ITGA5: variants seen among roughly 807,000 people sequenced by gnomAD.
ITGA5 encodes the protein integrin subunit alpha 5.
In ITGA5, 55 loss-of-function variants were observed where a neutral mutation model predicts 146.3. That is an observed-to-expected ratio of 0.38 (90% CI 0.30 to 0.47). The LOEUF (loss-of-function observed/expected upper bound fraction) is 0.47. ITGA5 is among the 20% of genes least tolerant of loss of function. ITGA5 has a pLI of 0.99. For synonymous variants in ITGA5, 500 were observed against 531.8 expected (o/e 0.94, Z 0.82); for missense variants, 1,131 against 1,329.0 (o/e 0.85, Z 2.32).
Position 54,401,229 on chromosome 12 carries a change from GGACTCTGCCTCAT to G in ITGA5, c.2493+131_2493+143del. 1.3e-6 allele frequency: 1 copy of G among 792,982 alleles called. No homozygotes were observed. The highest frequency in any genetic ancestry group is 2.2e-6 in the Non-Finnish European group (1 of 464,982). 49.1% of individuals were successfully genotyped at this position (792,982 alleles called of 1,614,324 possible). A position where few individuals can be genotyped will look rare whatever the true frequency, so the allele number is the denominator to read the frequency against. On this transcript the variant is annotated intron_variant, in intron 24 of 29. Transcript: ENST00000293379. This position sits in a 1 kb window ranked among gnomAD's most constrained non-coding sequence, Gnocchi z 5.0. ...GTCTCTCCTCTGGCTGTTTCTCACAGGACTCTGCCTCATGCCTTTGCATATCACTTACTCCTCC... is the reference window on the plus strand; with the variant it reads ...GTCTCTCCTCTGGCTGTTTCTCACAGGCCTTTGCATATCACTTACTCCTCC...
rs546562426 is a variant in ITGA5 at position 54,401,638 on chromosome 12, G to A, written c.2334C>T (p.Asp778=). The A allele has an allele frequency of 7.4e-6, 12 of 1,614,188 alleles. No individual in the cohort carries two copies. Among genetic ancestry groups the A allele is most frequent in the South Asian group, 2.2e-5 (2 of 91,084 alleles). The change falls in exon 23 of 30, where the codon GAC becomes GAT. Residue 778 remains aspartate (D), a synonymous_variant. Coordinates refer to ENST00000293379, the MANE Select transcript of ITGA5 (RefSeq NM_002205.5). This position sits in a 1 kb window ranked among gnomAD's most constrained non-coding sequence, Gnocchi z 5.0. Reference sequence around the variant, plus strand: ...CCACGGAGAGCCGAAAGGAAACCACGTCGCTTTGCGAGTTGTTGAGATTCT... The same window carrying A: ...CCACGGAGAGCCGAAAGGAAACCACATCGCTTTGCGAGTTGTTGAGATTCT... ...LSKNLNNSQS[D]VVSFRLSVEA... is the part of the protein sequence containing the mutation.
chr12:54,399,750 C>T lies in ITGA5; in HGVS notation c.2736G>A (p.Pro912=), dbSNP rs756706920. The T allele has an allele frequency of 9.1e-5, 147 of 1,613,982 alleles. No individual in the cohort carries two copies. Among genetic ancestry groups the T allele is most frequent in the Non-Finnish European group, 1.1e-4 (135 of 1,179,954 alleles). ...ASSGPQILKC[P]EAECFRLRCE... ...AGCGCAGCCTGAAACACTCAGCCTC[C>T]GGGCATTTCTAGGAAGAAAGAAGCT... is the stretch of plus-strand genomic sequence containing the variant. The change falls in exon 27 of 30, where the codon CCG becomes CCA. Residue 912 remains proline, a synonymous_variant. Coordinates refer to ENST00000293379, the MANE Select transcript of ITGA5 (RefSeq NM_002205.5).
chr12:54,403,993 G>A lies in ITGA5; in HGVS notation c.1566-27C>T, dbSNP rs1055755946. Reference sequence around the variant, plus strand: ...TGGAGAGAGACCAAGAAGAAAGCTGGTGAATCCAACTGGAACAGACATCCT... The same window carrying A: ...TGGAGAGAGACCAAGAAGAAAGCTGATGAATCCAACTGGAACAGACATCCT... On this transcript the variant is annotated intron_variant, in intron 15 of 29. Coordinates refer to ENST00000293379, the MANE Select transcript of ITGA5 (RefSeq NM_002205.5). This position sits in a 1 kb window ranked among gnomAD's most constrained non-coding sequence, Gnocchi z 4.9. 6.2e-7 allele frequency: 1 copy of A among 1,612,958 alleles called. No homozygotes were observed. Among genetic ancestry groups the A allele is most frequent in the African/African-American group, 1.3e-5 (1 of 74,910 alleles).
Position 54,396,338 on chromosome 12 carries a change from G to A in ITGA5, c.3105C>T (p.Ala1035=). ...GAGGCTTGAGCTGAGCTTTTTCCAT[G>A]GCGGTGCCATATGGGAGGGAGCGTT... ...FFKRSLPYGT[A]MEKAQLKPPA... is the part of the protein sequence containing the mutation. The change falls in exon 30 of 30, where the codon GCC becomes GCT. Residue 1035 remains alanine, a synonymous_variant. Transcript: ENST00000293379. 1 of 1,614,144 alleles carries A rather than the reference G, an allele frequency of 6.2e-7. No individual in the cohort carries two copies. Among genetic ancestry groups the A allele is most frequent in the African/African-American group, 1.3e-5 (1 of 75,058 alleles).
At chr12:54,408,847 C>A (rs563955322) in intron 5 of ITGA5, 46 bp from the exon 6 acceptor site, 1 of 1,613,452 alleles carries the variant, frequency 6.2e-7, no homozygotes, top group African/African-American at 1.3e-5. Context: ...CCAATCCCCC[C>A]ATGTCCACCA....
chr12:54,396,210 G>T lies in ITGA5; in HGVS notation c.*83C>A. The T allele has an allele frequency of 8.7e-7, 1 of 1,146,730 alleles. No homozygotes were observed. The highest frequency in any genetic ancestry group is 1.3e-5 in the South Asian group (1 of 78,628). 71.0% of individuals were successfully genotyped at this position (1,146,730 alleles called of 1,614,324 possible). On this transcript the variant is annotated 3_prime_UTR_variant, in exon 30 of 30. Coordinates refer to ENST00000293379, the MANE Select transcript of ITGA5 (RefSeq NM_002205.5). ...TCTCCCTGGCCGTCAGCACCTTCAA[G>T]AAGTACCCAGACCCCTCCTTTTCAG...
intron 1 of ITGA5, among the ~76,000 whole-genome samples, chr12:54,417,092 T>C (rs183808575): frequency 1.3e-4 from 20 of 151,820 alleles, no homozygotes; most frequent in Non-Finnish European, 1.5e-4. Flanking sequence ...GCTGGACACC[T>C]GGGTTCTCTT....
chr12:54,407,491 G>A, intron 9 of ITGA5, 158 bp downstream of exon 9: 2 of 684,730 alleles, frequency 2.9e-6, no homozygotes, highest in Non-Finnish European at 5.4e-6. Context: ...ATAAAGAGCA[G>A]AATGATTCTG....
Position 54,400,911 on chromosome 12 carries a change from A to G in ITGA5, c.2578T>C (p.Tyr860His), listed in dbSNP as rs755295163. The G allele has an allele frequency of 6.2e-7, 1 of 1,614,046 alleles. No homozygotes were observed. The change falls in exon 25 of 30, where the codon TAT becomes CAT. Residue 860 changes from tyrosine (Y) to histidine (H), a missense_variant. By Grantham distance (83) the Tyr-to-His change is moderately conservative. Coordinates refer to ENST00000293379, the MANE Select transcript of ITGA5 (RefSeq NM_002205.5). Reference sequence around the variant, plus strand: ...TTGAGTCCCGTAACTCTGGTCACATATAGGAGCTGCTGACCTTCCAGAGCC... The same window carrying G: ...TTGAGTCCCGTAACTCTGGTCACATGTAGGAGCTGCTGACCTTCCAGAGCC... ...PQALEGQQLL[Y>H]VTRVTGLNCT...
chr12:54,407,924 C>T (rs768992920), intron 7 of ITGA5, 48 bp from the exon 8 acceptor site: 1 of 1,551,272 alleles, frequency 6.4e-7, no homozygotes, highest in Admixed American at 1.8e-5. Flanking sequence ...TTGAGGACCC[C>T]TCTGCTCTGG....
Position 54,405,720 on chromosome 12 carries a change from G to A in ITGA5, c.964-4C>T, listed in dbSNP as rs779168204. The A allele has an allele frequency of 1.2e-6, 2 of 1,614,016 alleles. No homozygotes were observed. The highest frequency in any genetic ancestry group is 2.2e-5 in the South Asian group (2 of 91,072). ...CATAGCCAAAGTAGGAGGCCATCTG[G>A]GGAGGACAAAGGGGCAGCGCTGGGT... On this transcript the variant is annotated splice_polypyrimidine_tract_variant and splice_region_variant and intron_variant, in intron 10 of 29. Transcript: ENST00000293379.
intron 8 of ITGA5, 48 bp from the exon 9 acceptor site, chr12:54,407,740 C>G (rs759826059): frequency 6.2e-7 from 1 of 1,605,820 alleles, no homozygotes; most frequent in Admixed American, 1.7e-5. Flanking sequence ...GAAAGGGAAG[C>G]AGATAATGGT....
At chr12:54,408,640 C>T (rs1172282966) in intron 6 of ITGA5, 116 bp downstream of exon 6, 16 of 917,712 alleles carry the variant, frequency 1.7e-5, no homozygotes, top group African/African-American at 7.0e-5. Flanking sequence ...GCAGGAGAAT[C>T]GCTTGAACCT....
rs1565638010 is a variant in ITGA5, at chr12:54,399,681, C to T, written c.2805G>A (p.Gln935=). 6.2e-7 allele frequency: 1 copy of T among 1,614,204 alleles called. No individual in the cohort carries two copies. Among genetic ancestry groups the T allele is most frequent in the Non-Finnish European group, 8.5e-7 (1 of 1,180,008 alleles). Residue 935 remains glutamine, a synonymous_variant, in exon 27 of 30, where the codon CAG becomes CAA. Transcript: ENST00000293379. ...TCTTGGCCCAGACTCGGAAATGCAACTGCAGACTTTGGCTCTCTTGTTGGT... is the reference window on the plus strand; with the variant it reads ...TCTTGGCCCAGACTCGGAAATGCAATTGCAGACTTTGGCTCTCTTGTTGGT... ...PLHQQESQSL[Q]LHFRVWAKTF...
chr12:54,418,926 C>G (rs1216069647), intron 1 of ITGA5, 55 bp downstream of exon 1: 3 of 1,594,466 alleles, frequency 1.9e-6, no homozygotes, highest in Non-Finnish European at 2.6e-6. Flanking sequence ...AGCCGCGCCC[C>G]CAGTCTCCAG....
At position 54,400,897 on chromosome 12, in the gene ITGA5, A is replaced by C. The variant is rs769350298; in HGVS notation, c.2592T>G (p.Val864=). 1.9e-6 allele frequency: 3 copies of C among 1,614,116 alleles called. No individual in the cohort carries two copies. Among genetic ancestry groups the C allele is most frequent in the African/African-American group, 1.3e-5 (1 of 75,012 alleles). Residue 864 remains valine, a synonymous_variant, in exon 25 of 30, where the codon GTT becomes GTG. Transcript: ENST00000293379. The part of the protein sequence containing the change: ...EGQQLLYVTR[V]TGLNCTTNHP... ...GATTGGTGGTGCAGTTGAGTCCCGT[A>C]ACTCTGGTCACATATAGGAGCTGCT... is the stretch of plus-strand genomic sequence containing the variant.
Position 54,401,996 on chromosome 12 carries a change from C to T in ITGA5, c.2226+5G>A. ...CTGTCCCATCCTCTTTCATCCCAAACTTACACTGGCTCCTGCCTTCATGGG... is the reference window on the plus strand; with the variant it reads ...CTGTCCCATCCTCTTTCATCCCAAATTTACACTGGCTCCTGCCTTCATGGG... On this transcript the variant is annotated splice_donor_5th_base_variant and intron_variant, in intron 21 of 29. Transcript: ENST00000293379. This position sits in a 1 kb window ranked among gnomAD's most constrained non-coding sequence, Gnocchi z 5.0. 1.2e-6 allele frequency: 2 copies of T among 1,614,108 alleles called. No individual in the cohort carries two copies. The highest frequency in any genetic ancestry group is 1.7e-6 in the Non-Finnish European group (2 of 1,179,964).
Position 54,405,926 on chromosome 12 carries a change from C to A in ITGA5, c.907G>T (p.Val303Phe). 6.2e-7 allele frequency: 1 copy of A among 1,613,664 alleles called. No individual in the cohort carries two copies. Among genetic ancestry groups the A allele is most frequent in the Non-Finnish European group, 8.5e-7 (1 of 1,179,672 alleles). ...VPKGNLTYGY[V>F]TILNGSDIRS... ...ATGTCTGAGCCATTAAGGATGGTGA[C>A]CTGGGAGATGAAGAGATAGGCCCAT... Residue 303 changes from valine to phenylalanine, a missense_variant and splice_region_variant, in exon 10 of 30, where the codon GTC (valine) becomes TTC (phenylalanine). Coordinates refer to ENST00000293379, the MANE Select transcript of ITGA5 (RefSeq NM_002205.5).
intron 7 of ITGA5, 67 bp downstream of exon 7, chr12:54,408,043 G>C: frequency 6.3e-7 from 1 of 1,598,884 alleles, no homozygotes; most frequent in South Asian, 1.1e-5. Flanking sequence ...GGGAGGCGAG[G>C]GGGTGAGTGG....
Sources: gnomAD v4.1 joint callset for allele counts (sites outside exome capture counted in the v4.1 genomes callset) on GRCh38, gnomAD v4.1.1 for gene constraint, Gnocchi (gnomAD v3.1) non-coding constraint, MANE v1.5 for transcripts, NCBI Gene and HGNC (gene_info 2026-07-23, HGNC 2026-07-21) for gene names.